The following NIBAN3 variants were observed in gnomAD, a reference collection of about 807,000 sequenced individuals.
NIBAN3 encodes niban apoptosis regulator 3, also known as protein Niban 3.
In NIBAN3, 66 loss-of-function variants were observed where a neutral mutation model predicts 76.4. That is an observed-to-expected ratio of 0.86 (90% confidence interval 0.71 to 1.06). The LOEUF (loss-of-function observed/expected upper bound fraction) is 1.06, where lower values mean the gene tolerates loss of function less well. NIBAN3 is among the 50% of genes least tolerant of loss of function. NIBAN3 has a pLI of 0.00. For synonymous variants in NIBAN3, 360 were observed against 355.2 expected (o/e 1.01, Z -0.15); for missense variants, 808 against 810.7 (o/e 1.00, Z 0.04).
In NIBAN3 at chr19:17,537,515, G is replaced by A; in HGVS notation, c.567G>A (p.Leu189=). The A allele has an allele frequency of 6.2e-7, 1 of 1,606,590 alleles. No individual in the cohort carries two copies. The highest frequency in any genetic ancestry group is 1.1e-5 in the South Asian group (1 of 90,890). ...CACAGCATGCCTGGAGGCTGGCCCT[G>A]CAGGGTGGCATCCGGCTTCAGGGCA... ...REAQHAWRLA[L]QGGIRLQGIV... The change falls in exon 5 of 15, where the codon CTG becomes CTA. Residue 189 remains leucine, a synonymous_variant. Coordinates refer to ENST00000599164, the MANE Select transcript of NIBAN3 (RefSeq NM_001321827.2).
intron 12 of NIBAN3, among the ~76,000 whole-genome samples, chr19:17,544,738 G>A (rs2144756175): frequency 6.6e-6 from 1 of 152,298 alleles, no homozygotes; most frequent in East Asian, 1.9e-4. Flanking sequence ...AGGGCTCATG[G>A]GCACCAGGCG....
At chr19:17,529,637 T>G (rs181029704) in intron 1 of NIBAN3, among the ~76,000 whole-genome samples, 1 of 152,328 alleles carries the variant, frequency 6.6e-6, no homozygotes, top group Admixed American at 6.5e-5. Flanking sequence ...CTTTAAAAGC[T>G]TTTGAAAAGC....
At chr19:17,546,011 G>C in intron 12 of NIBAN3, 2 of 429,252 alleles carry the variant, frequency 4.7e-6, no homozygotes, top group Non-Finnish European at 9.4e-6. Flanking sequence ...CCTGGCAACA[G>C]GCATCTTCCC....
At chr19:17,535,937 A>G (rs1315206975) in intron 4 of NIBAN3, among the ~76,000 whole-genome samples, 2 of 152,104 alleles carry the variant, frequency 1.3e-5, no homozygotes, top group African/African-American at 4.8e-5. Context: ...TAAAAACAAT[A>G]AATAAAAGAA....
upstream of NIBAN3, among the ~76,000 whole-genome samples, chr19:17,524,125 A>C (rs1191359369): frequency 3.9e-5 from 6 of 151,928 alleles, no homozygotes; most frequent in Non-Finnish European, 8.8e-5. Flanking sequence ...TCCTGACCTC[A>C]AGCGATCCAC....
At chr19:17,546,925 G>C (rs2076066596) in intron 13 of NIBAN3, 128 bp downstream of exon 13, 3 of 1,207,796 alleles carry the variant, frequency 2.5e-6, no homozygotes, top group African/African-American at 1.5e-5. Flanking sequence ...GTCAGGACTT[G>C]GCCTGAGGAG....
intron 1 of NIBAN3, among the ~76,000 whole-genome samples, chr19:17,528,110 G>A (rs2075642651): frequency 6.7e-6 from 1 of 149,744 alleles, no homozygotes; most frequent in Non-Finnish European, 1.5e-5. Context: ...TTTGTTTTTT[G>A]AGATGGAGTC....
At chr19:17,525,577 G>A (rs953034036), upstream of NIBAN3, among the ~76,000 whole-genome samples, 1 of 152,090 alleles carries the variant, frequency 6.6e-6, no homozygotes, top group Admixed American at 6.6e-5. Flanking sequence ...AAGCTTGGGC[G>A]ACCACGTGCA....
intron 1 of NIBAN3, among the ~76,000 whole-genome samples, chr19:17,530,265 G>A (rs995777885): frequency 6.6e-6 from 1 of 152,030 alleles, no homozygotes; most frequent in Non-Finnish European, 1.5e-5. Flanking sequence ...AGGTTGCAGT[G>A]AGCTGTGATC....
chr19:17,530,824 G>A lies in NIBAN3; in HGVS notation c.125G>A (p.Arg42Gln), dbSNP rs201415239. ...GGGCAGCTGGCAGCGTCTGTCCTGC[G>A]GCAGATCTCTCGAGAGCTGGGCCCT... Reference protein sequence around the residue: ...YRGQLAASVLRQISRELGPQE... With the variant: ...YRGQLAASVLQQISRELGPQE... The change falls in exon 2 of 15, where the codon CGG becomes CAG. Residue 42 changes from arginine to glutamine, a missense_variant. Coordinates refer to ENST00000599164, the MANE Select transcript of NIBAN3 (RefSeq NM_001321827.2). 4.0e-5 allele frequency: 64 copies of A among 1,613,686 alleles called. No individual in the cohort carries two copies. Among genetic ancestry groups the A allele is most frequent in the Admixed American group, 1.8e-4 (11 of 59,992 alleles).
At chr19:17,545,955 C>A in intron 12 of NIBAN3, 1 of 440,898 alleles carries the variant, frequency 2.3e-6, no homozygotes, top group South Asian at 1.6e-5. Flanking sequence ...GCTAAGTAGC[C>A]GGTGTTTTTC....
In NIBAN3 at chr19:17,539,759, C is replaced by T; in HGVS notation, c.973C>T (p.Leu325=). The change falls in exon 8 of 15, where the codon CTG becomes TTG. Residue 325 remains leucine, a synonymous_variant. Transcript: ENST00000599164. ...LRQRARVAGR[L]RTDIRGPLES... ...GCAGCGGGCGCGTGTGGCGGGGCGGCTGAGGAGTGAGGCCCTGGGGCGGAG... is the reference window on the plus strand; with the variant it reads ...GCAGCGGGCGCGTGTGGCGGGGCGGTTGAGGAGTGAGGCCCTGGGGCGGAG... 7 of 1,531,276 alleles carry T rather than the reference C, an allele frequency of 4.6e-6. No homozygotes were observed. The highest frequency in any genetic ancestry group is 6.1e-6 in the Non-Finnish European group (7 of 1,141,144). 94.9% of individuals were successfully genotyped at this position (1,531,276 alleles called of 1,614,324 possible).
Position 17,543,302 on chromosome 19 carries a change from C to T in NIBAN3, c.1330-15C>T, listed in dbSNP as rs1334729023. Reference sequence around the variant, plus strand: ...AGCACAGATTCTGGGGTCATCATAGCATCTCCTCCCACAGCTCATGGCTGA... The same window carrying T: ...AGCACAGATTCTGGGGTCATCATAGTATCTCCTCCCACAGCTCATGGCTGA... On this transcript the variant is annotated splice_polypyrimidine_tract_variant and intron_variant, in intron 10 of 14. Coordinates refer to ENST00000599164, the MANE Select transcript of NIBAN3 (RefSeq NM_001321827.2). 2.0e-6 allele frequency: 3 copies of T among 1,515,380 alleles called. No individual in the cohort carries two copies. Among genetic ancestry groups the T allele is most frequent in the Admixed American group, 2.0e-5 (1 of 50,594 alleles). 93.9% of individuals were successfully genotyped at this position (1,515,380 alleles called of 1,614,324 possible).
intron 1 of NIBAN3, among the ~76,000 whole-genome samples, chr19:17,530,531 CAAAAAAAAAAA>C (rs558680407): frequency 4.3e-5 from 2 of 46,362 alleles, no homozygotes; most frequent in Non-Finnish European, 9.1e-5. Flanking sequence ...GACTCCATCT[CAAAAAAAAAAA>C]AAAAAAAAAA....
At chr19:17,544,277 C>G (rs1015899975) in intron 12 of NIBAN3, among the ~76,000 whole-genome samples, 9 of 152,214 alleles carry the variant, frequency 5.9e-5, no homozygotes, top group African/African-American at 1.7e-4. Flanking sequence ...GCCTGGGCAA[C>G]AGAGCAAGGG....
At chr19:17,529,352 G>A (rs2075670159) in intron 1 of NIBAN3, among the ~76,000 whole-genome samples, 1 of 151,780 alleles carries the variant, frequency 6.6e-6, no homozygotes, top group African/African-American at 2.4e-5. Context: ...GTAAAAGTTA[G>A]ACACCTAAAG....
At chr19:17,527,529 A>G in intron 1 of NIBAN3, 134 bp downstream of exon 1, 1 of 937,436 alleles carries the variant, frequency 1.1e-6, no homozygotes, top group Non-Finnish European at 1.5e-6. Flanking sequence ...ATGCCTTCTT[A>G]ATGTAAATTT....
downstream of NIBAN3, among the ~76,000 whole-genome samples, chr19:17,554,162 C>T (rs1371317894): frequency 6.6e-6 from 1 of 152,190 alleles, no homozygotes; most frequent in African/African-American, 2.4e-5. Flanking sequence ...GCGTGAGCCA[C>T]TGCACCTGGC....
intron 12 of NIBAN3, chr19:17,545,161 A>ATTTATTTTATTTTATTTTAT (rs71162150): frequency 6.7e-5 from 9 of 133,350 alleles, no homozygotes; most frequent in South Asian, 2.5e-4. Flanking sequence ...AGACTATTTT[A>ATTTATTTTATTTTATTTTAT]TTTATTTTAT....
Sources: allele counts gnomAD v4.1 joint callset (sites outside exome capture counted in the v4.1 genomes callset), GRCh38; gene constraint gnomAD v4.1.1; transcripts MANE v1.5; gene names NCBI Gene and HGNC (gene_info 2026-07-23, HGNC 2026-07-21).